Variants in GNAZ observed in about 807,000 individuals in gnomAD.
The protein encoded by GNAZ is guanine nucleotide-binding protein G(z) subunit alpha.
In GNAZ, 3 loss-of-function variants were observed where a neutral mutation model predicts 25.4. The ratio of observed to expected loss-of-function variants is 0.12; its 90% CI spans 0.05 to 0.30. GNAZ has a LOEUF of 0.30. GNAZ is among the 10% of genes least tolerant of loss of function. The probability of loss-of-function intolerance (pLI) is 1.00; values close to 1 mark genes in which losing one functional copy is unlikely to be tolerated. For missense variants in GNAZ, 241 were observed against 501.8 expected, an observed-to-expected ratio of 0.48 and a Z score of 4.97; for synonymous variants, 211 against 205.7, an observed-to-expected ratio of 1.03 and a Z score of -0.22.
intron 2 of GNAZ, among the ~76,000 whole-genome samples, chr22:23,116,175 A>T (rs2069830480): frequency 6.6e-6 from 1 of 152,216 alleles, no homozygotes; most frequent in South Asian, 2.1e-4. Flanking sequence ...CTCCTCACTG[A>T]GGGGCACAGG....
chr22:23,115,880 G>T (rs1427183686), intron 2 of GNAZ, among the ~76,000 whole-genome samples: 1 of 152,224 alleles, frequency 6.6e-6, no homozygotes, highest in Non-Finnish European at 1.5e-5. Context: ...TGTGCAAGGG[G>T]AGGGTGGTGG....
At chr22:23,098,720 G>A (rs1360859600) in intron 2 of GNAZ, among the ~76,000 whole-genome samples, 1 of 152,264 alleles carries the variant, frequency 6.6e-6, no homozygotes, top group African/African-American at 2.4e-5. Flanking sequence ...TGCTCTACCA[G>A]TAATATCTGG....
Position 23,071,481 on chromosome 22 carries a change from G to T in GNAZ, c.-450+911G>T, listed in dbSNP as rs2068374178. Among the ~76,000 whole-genome samples the T allele has an allele frequency of 6.6e-6, 1 of 152,220 alleles. No homozygotes were observed. The highest frequency in any genetic ancestry group is 6.5e-5 in the Admixed American group (1 of 15,290). On this transcript the variant is annotated intron_variant, in intron 1 of 2. Transcript: ENST00000615612. The surrounding 1 kb of genome is among the most constrained non-coding windows in gnomAD (Gnocchi z 4.1). ...TGGGGAGACAGCTGAGCCCCTGACC[G>T]GCTCCTTTCTGCCCAAGTGATTTCC...
At chr22:23,089,759 CGG>C (rs1569168634) in intron 1 of GNAZ, among the ~76,000 whole-genome samples, 1 of 152,140 alleles carries the variant, frequency 6.6e-6, no homozygotes, top group African/African-American at 2.4e-5. Context: ...AGGAAGCAAG[CGG>C]CCCTCAGCAG....
intron 1 of GNAZ, among the ~76,000 whole-genome samples, chr22:23,085,545 G>A (rs1196232836): frequency 2.6e-5 from 4 of 152,220 alleles, no homozygotes; most frequent in Admixed American, 2.6e-4. Flanking sequence ...CTGCTGAGCA[G>A]ACAAATGGAA....
intron 2 of GNAZ, among the ~76,000 whole-genome samples, chr22:23,117,966 C>T (rs1280721480): frequency 2.0e-5 from 3 of 152,176 alleles, no homozygotes; most frequent in Non-Finnish European, 2.9e-5. Context: ...TTCCAGGTGC[C>T]GGACCTGGTC....
intron 1 of GNAZ, among the ~76,000 whole-genome samples, chr22:23,092,383 C>T (rs559688366): frequency 3.3e-5 from 5 of 152,238 alleles, no homozygotes; most frequent in African/African-American, 7.2e-5. Context: ...CTGCACAGGG[C>T]GCTCATACCC....
chr22:23,102,921 A>G (rs2069348172), intron 2 of GNAZ, among the ~76,000 whole-genome samples: 1 of 152,246 alleles, frequency 6.6e-6, no homozygotes, highest in African/African-American at 2.4e-5. Context: ...GAGGTCAGCC[A>G]GCGTGGGCTC....
intron 2 of GNAZ, among the ~76,000 whole-genome samples, chr22:23,104,246 G>A (rs2069393142): frequency 1.3e-5 from 2 of 152,210 alleles, no homozygotes; most frequent in African/African-American, 4.8e-5. Context: ...GGCAGGGCAA[G>A]GTCGCAGGCA....
chr22:23,087,437 A>G (rs1489395496), intron 1 of GNAZ, among the ~76,000 whole-genome samples: 1 of 152,158 alleles, frequency 6.6e-6, no homozygotes, highest in East Asian at 1.9e-4. Flanking sequence ...CAGCTGGGTG[A>G]CAGTTAAAAT....
At chr22:23,082,447 C>T (rs1188860444) in intron 1 of GNAZ, among the ~76,000 whole-genome samples, 3 of 149,086 alleles carry the variant, frequency 2.0e-5, no homozygotes, top group Non-Finnish European at 4.4e-5. Flanking sequence ...TGGTCTTGAA[C>T]TGACTTCGTG....
At chr22:23,098,571 C>T (rs2069193899) in intron 2 of GNAZ, among the ~76,000 whole-genome samples, 1 of 152,340 alleles carries the variant, frequency 6.6e-6, no homozygotes, top group East Asian at 1.9e-4. Context: ...GGGCTGGCAG[C>T]CAGGCTGGCA....
At chr22:23,109,109 C>A (rs2069568400) in intron 2 of GNAZ, among the ~76,000 whole-genome samples, 3 of 152,166 alleles carry the variant, frequency 2.0e-5, no homozygotes, top group African/African-American at 7.2e-5. Flanking sequence ...TAGCTCCAGC[C>A]TCCTTGGAAG....
chr22:23,121,555 G>C (rs969951684), intron 2 of GNAZ, among the ~76,000 whole-genome samples: 3 of 152,206 alleles, frequency 2.0e-5, no homozygotes, highest in South Asian at 2.1e-4. Context: ...GGAGTGGGCA[G>C]ATGTGAGAAC....
At chr22:23,080,870 G>C (rs371073796) in intron 1 of GNAZ, among the ~76,000 whole-genome samples, 56 of 152,180 alleles carry the variant, frequency 3.7e-4, no homozygotes, top group African/African-American at 1.3e-3. Context: ...TGGATTAATG[G>C]GTGCTCTCCC....
intron 2 of GNAZ, among the ~76,000 whole-genome samples, chr22:23,111,730 G>A (rs117490377): frequency 0.016 from 2,504 of 152,300 alleles, 26 homozygotes; most frequent in Non-Finnish European, 0.027. Flanking sequence ...TACCTCCCAG[G>A]CCCCTTCCTC....
intron 2 of GNAZ, among the ~76,000 whole-genome samples, chr22:23,106,023 C>A (rs2069462058): frequency 6.6e-6 from 1 of 152,164 alleles, no homozygotes. Context: ...CCTTTCGGAG[C>A]AAATGCTCCC....
chr22:23,079,929 G>C (rs937619633), intron 1 of GNAZ, among the ~76,000 whole-genome samples: 4 of 152,212 alleles, frequency 2.6e-5, no homozygotes, highest in Admixed American at 6.5e-5. Flanking sequence ...TGCCACACAT[G>C]GAGGCAGAGG....
At position 23,095,666 on chromosome 22, in the gene GNAZ, C is replaced by T. The variant is rs896580737; in HGVS notation, c.-30C>T. On this transcript the variant is annotated 5_prime_UTR_variant, in exon 2 of 3. Coordinates refer to ENST00000615612, the MANE Select transcript of GNAZ (RefSeq NM_002073.4). ...AGAGGGAGAGGTGCCCCATCCCGTGCTCCTTGTCTGGGCCCGCTGCTGCCA... is the reference window on the plus strand; with the variant it reads ...AGAGGGAGAGGTGCCCCATCCCGTGTTCCTTGTCTGGGCCCGCTGCTGCCA... The T allele has an allele frequency of 6.3e-7, 1 of 1,576,802 alleles. No individual in the cohort carries two copies. Among genetic ancestry groups the T allele is most frequent in the African/African-American group, 1.4e-5 (1 of 73,666 alleles).
Sources: allele counts gnomAD v4.1 joint callset (sites outside exome capture counted in the v4.1 genomes callset), GRCh38; gene constraint gnomAD v4.1.1; non-coding constraint Gnocchi (gnomAD v3.1); transcripts MANE v1.5; gene names NCBI Gene and HGNC (gene_info 2026-07-23, HGNC 2026-07-21).